The following PDS5A variants were observed in gnomAD, a reference collection of about 807,000 sequenced individuals.
PDS5A encodes the protein PDS5 cohesin associated factor A, also known as sister chromatid cohesion protein PDS5 homolog A.
PDS5A carries 42 observed loss-of-function variants against 167.1 expected under a neutral mutation model. That is an observed-to-expected ratio of 0.25 (90% CI 0.20 to 0.33). PDS5A has a LOEUF of 0.33. Ranked by LOEUF, PDS5A falls within the 10% of genes least tolerant of loss-of-function variation. The pLI is 1.00. For missense variants in PDS5A, 1,033 were observed against 1,605.9 expected (o/e 0.64, Z 6.10); for synonymous variants, 553 against 554.6 (o/e 1.00, Z 0.04).
At chr4:39,840,305 C>CAAAA in intron 31 of PDS5A, among the ~76,000 whole-genome samples, 1 of 152,108 alleles carries the variant, frequency 6.6e-6, no homozygotes, top group East Asian at 1.9e-4. Context: ...GATCCTGTTT[C>CAAAA]AAAACAAAAC....
At chr4:39,852,844 T>C (rs17619018) in intron 26 of PDS5A, among the ~76,000 whole-genome samples, 15,595 of 152,248 alleles carry the variant, frequency 0.1, 915 homozygotes, top group East Asian at 0.22. Flanking sequence ...GCCAATTTTC[T>C]GGGCAATCTG....
chr4:39,945,891 C>T (rs182984212), intron 2 of PDS5A, among the ~76,000 whole-genome samples: 279 of 151,800 alleles, frequency 1.8e-3, no homozygotes, highest in African/African-American at 6.6e-3. Flanking sequence ...TAAGGTTAAA[C>T]GGATTAAGAG....
At chr4:39,828,755 G>C (rs1274703758) in intron 32 of PDS5A, among the ~76,000 whole-genome samples, 4 of 152,192 alleles carry the variant, frequency 2.6e-5, no homozygotes, top group Admixed American at 2.0e-4. Flanking sequence ...TCTGTACTCA[G>C]ATCGACAAAA....
intron 26 of PDS5A, among the ~76,000 whole-genome samples, chr4:39,857,858 C>G (rs1045498868): frequency 2.0e-5 from 3 of 152,016 alleles, no homozygotes; most frequent in Non-Finnish European, 4.4e-5. Context: ...AAAATAGAGA[C>G]AGAGTCTCAC....
chr4:39,911,391 G>T (rs1385027205), intron 9 of PDS5A, among the ~76,000 whole-genome samples: 3 of 128,524 alleles, frequency 2.3e-5, no homozygotes, highest in African/African-American at 2.6e-5. Context: ...GTAAGACTCC[G>T]TCTCAAAAAA....
chr4:39,925,858 TA>T lies in PDS5A; in HGVS notation c.504del (p.Phe168LeufsTer7). 2 of 1,480,060 alleles carry T rather than the reference TA, an allele frequency of 1.4e-6. No homozygotes were observed. The highest frequency in any genetic ancestry group is 1.9e-6 in the Non-Finnish European group (2 of 1,076,348). The allele number at this position is 1,480,060 out of a possible 1,614,324, so 91.7% of individuals were successfully genotyped here. A position where few individuals can be genotyped will look rare whatever the true frequency, so the allele number is the denominator to read the frequency against. On this transcript the variant is annotated frameshift_variant, in exon 5 of 33. Coordinates refer to ENST00000303538, the MANE Select transcript of PDS5A (RefSeq NM_001100399.2). LOFTEE classifies it high-confidence loss of function. ...EDCNEIFIQL[F>X]RTLFSVINNS... ...TACTTGATCACTGAGAAGAGAGTTC[TA>T]AAAAGCTGAATAAAAATTTCATTGC...
chr4:39,947,352 G>A (rs965161071), intron 2 of PDS5A, among the ~76,000 whole-genome samples: 6 of 152,018 alleles, frequency 3.9e-5, no homozygotes, highest in Non-Finnish European at 7.4e-5. Context: ...CTACTCAGGA[G>A]ACTGAGGCAG....
chr4:39,846,141 CAT>C (rs33946376), intron 28 of PDS5A: 2,639 of 226,578 alleles, frequency 0.012, 71 homozygotes, highest in African/African-American at 0.054. Context: ...AAAGCACACA[CAT>C]GTTTTCATAC....
rs1394550827 is a variant in PDS5A at position 39,824,803 on chromosome 4, A to AT, written c.*681_*682insA. 4 of 152,660 alleles carry AT rather than the reference A, an allele frequency of 2.6e-5. No homozygotes were observed. Among genetic ancestry groups the AT allele is most frequent in the African/African-American group, 9.6e-5 (4 of 41,474 alleles). 9.5% of individuals were successfully genotyped at this position (152,660 alleles called of 1,614,324 possible). On this transcript the variant is annotated 3_prime_UTR_variant, in exon 33 of 33. Transcript: ENST00000303538. ...GAAATCAAAATATGAACTGTTTACTACTTGCAAATCAATAATTTTAATTTT... is the reference window on the plus strand; with the variant it reads ...GAAATCAAAATATGAACTGTTTACTATCTTGCAAATCAATAATTTTAATTTT...
intron 17 of PDS5A, among the ~76,000 whole-genome samples, chr4:39,886,572 G>A (rs1004259118): frequency 6.6e-6 from 1 of 152,000 alleles, no homozygotes; most frequent in Non-Finnish European, 1.5e-5. Flanking sequence ...AATTAGGCAG[G>A]TGCAGTGGCG....
At chr4:39,863,260 T>C in intron 24 of PDS5A, 76 bp downstream of exon 24, 1 of 1,161,280 alleles carries the variant, frequency 8.6e-7, no homozygotes, top group African/African-American at 1.6e-5. Context: ...ACATTATAAA[T>C]GGATTTGTAT....
intron 2 of PDS5A, among the ~76,000 whole-genome samples, chr4:39,929,518 A>AAT (rs1725770084): frequency 8.8e-5 from 2 of 22,768 alleles, no homozygotes; most frequent in African/African-American, 2.4e-4. Flanking sequence ...TACTTAATAA[A>AAT]CTATATATAT....
In PDS5A at chr4:39,873,043, G is replaced by A; in HGVS notation, c.2379C>T (p.Ser793=). 2 of 1,539,638 alleles carry A rather than the reference G, an allele frequency of 1.3e-6. No individual in the cohort carries two copies. The highest frequency in any genetic ancestry group is 1.2e-5 in the South Asian group (1 of 80,298). The part of the protein sequence containing the change: ...ISMLAPDQFA[S]PMKSVVANFI... ...AATTTGCTACTACAGATTTCATTGG[G>A]GAAGCAAACTGATCTGGTGCTAACA... is the stretch of plus-strand genomic sequence containing the variant. Residue 793 remains serine, a synonymous_variant, in exon 21 of 33, where the codon TCC becomes TCT. Transcript: ENST00000303538.
intron 31 of PDS5A, among the ~76,000 whole-genome samples, chr4:39,841,513 ATT>A (rs879278110): frequency 1.8e-4 from 26 of 142,460 alleles, no homozygotes; most frequent in Non-Finnish European, 2.0e-4. Flanking sequence ...GACCACACAA[ATT>A]TTTTTTTTTT....
chr4:39,900,428 T>G lies in PDS5A; in HGVS notation c.1579A>C (p.Thr527Pro). ...RELLDLHKQP[T>P]SEANCSAMFG... ...ATTTAAACAAATCATGAACCTACTG[T>G]AGGCTGCTTGTGCAAATCCAATAGT... The change falls in exon 14 of 33, where the codon ACA becomes CCA. Residue 527 changes from threonine to proline, a missense_variant and splice_region_variant. Transcript: ENST00000303538. 1 of 1,564,928 alleles carries G rather than the reference T, an allele frequency of 6.4e-7. No individual in the cohort carries two copies. Among genetic ancestry groups the G allele is most frequent in the Non-Finnish European group, 8.7e-7 (1 of 1,149,364 alleles).
In PDS5A at chr4:39,833,538, A is replaced by G. The variant is rs1164362634; in HGVS notation, c.4010+4318T>C. On this transcript the variant is annotated intron_variant, in intron 32 of 32. Transcript: ENST00000303538. ...GAAGTAGCCAAGACTATGGGCACAT[A>G]CCAGACACCTGGCTAATTTTTCTAT... 3.9e-5 allele frequency among the ~76,000 whole-genome samples: 6 copies of G among 152,042 alleles called. No individual in the cohort carries two copies. The East Asian group carries it at 1.2e-3, about 29-fold the overall frequency.
Position 39,845,885 on chromosome 4 carries a change from TAAAAAAAA to T in PDS5A, c.3340-13_3340-6del, listed in dbSNP as rs530938310. 6.0e-6 allele frequency: 6 copies of T among 1,004,670 alleles called. No homozygotes were observed. In the African/African-American group the frequency reaches 1.1e-4, roughly 18 times the overall value. 62.2% of individuals were successfully genotyped at this position (1,004,670 alleles called of 1,614,324 possible). ...ACTCTTATCGTTACAGAAGTCCTAT[TAAAAAAAA>T]AAAAGAAAAAGAAAAAAGAAACACC... On this transcript the variant is annotated splice_region_variant and splice_polypyrimidine_tract_variant and intron_variant, in intron 28 of 32. Transcript: ENST00000303538.
chr4:39,895,199 C>CAAAAAAAAA (rs34303340), intron 16 of PDS5A, among the ~76,000 whole-genome samples: 5 of 93,424 alleles, frequency 5.4e-5, no homozygotes, highest in African/African-American at 7.8e-5. Context: ...GACTCCGTCT[C>CAAAAAAAAA]AAAAAAAAAA....
intron 16 of PDS5A, among the ~76,000 whole-genome samples, chr4:39,891,222 G>A (rs1721932802): frequency 6.6e-6 from 1 of 151,224 alleles, no homozygotes; most frequent in South Asian, 2.1e-4. Context: ...TAGTAGACAT[G>A]GGGTTTCGTC....
Sources: gnomAD v4.1 joint callset for allele counts (sites outside exome capture counted in the v4.1 genomes callset) on GRCh38, gnomAD v4.1.1 for gene constraint, MANE v1.5 for transcripts, NCBI Gene and HGNC (gene_info 2026-07-23, HGNC 2026-07-21) for gene names.